The following HBS1L variants were observed in gnomAD, a reference collection of about 807,000 sequenced individuals.
HBS1L encodes the protein HBS1 like translational GTPase.
A neutral mutation model predicts 88.9 loss-of-function variants in HBS1L; 55 were observed. That is an observed-to-expected ratio of 0.62 (90% CI 0.50 to 0.77). The LOEUF (loss-of-function observed/expected upper bound fraction) is 0.77, where lower values mean the gene tolerates loss of function less well. HBS1L is among the 30% of genes least tolerant of loss of function. HBS1L has a pLI of 0.00. For missense variants in HBS1L, 741 were observed against 829.3 expected (o/e 0.89, Z 1.31); for synonymous variants, 267 against 288.5 (o/e 0.93, Z 0.76).
intron 15 of HBS1L, among the ~76,000 whole-genome samples, chr6:134,978,047 T>C (rs552892547): frequency 5.3e-5 from 8 of 152,150 alleles, no homozygotes; most frequent in Non-Finnish European, 5.9e-5. Flanking sequence ...ATGCAGGTTC[T>C]GAATGTGTTG....
At chr6:134,970,875 A>T (rs1774462939) in intron 15 of HBS1L, among the ~76,000 whole-genome samples, 1 of 152,208 alleles carries the variant, frequency 6.6e-6, no homozygotes, top group African/African-American at 2.4e-5. Flanking sequence ...AGTGTGTAAT[A>T]TGTCTATAGT....
chr6:134,976,796 G>A (rs2114762695), intron 15 of HBS1L, among the ~76,000 whole-genome samples: 1 of 152,026 alleles, frequency 6.6e-6, no homozygotes, highest in East Asian at 1.9e-4. Context: ...ACTACATCTT[G>A]GGTACAATAT....
intron 1 of HBS1L, among the ~76,000 whole-genome samples, chr6:135,051,017 G>C (rs1056298513): frequency 6.6e-6 from 1 of 152,164 alleles, no homozygotes; most frequent in African/African-American, 2.4e-5. Flanking sequence ...CATGAGGTCA[G>C]GAGTTTGAGA....
chr6:135,006,703 A>C (rs1292219473), intron 4 of HBS1L, among the ~76,000 whole-genome samples: 1 of 152,154 alleles, frequency 6.6e-6, no homozygotes, highest in African/African-American at 2.4e-5. Context: ...TTGCGTGAAA[A>C]AGCAGTTCCT....
At chr6:134,974,759 C>A (rs950578461) in intron 15 of HBS1L, among the ~76,000 whole-genome samples, 12 of 151,854 alleles carry the variant, frequency 7.9e-5, no homozygotes, top group African/African-American at 2.9e-4. Flanking sequence ...GGAAACATAC[C>A]TCAAAATAAT....
chr6:134,974,060 A>G (rs913274516), intron 15 of HBS1L, among the ~76,000 whole-genome samples: 19 of 152,108 alleles, frequency 1.2e-4, no homozygotes, highest in Admixed American at 1.3e-4. Context: ...TCAATTCAAA[A>G]GGAAAATGGA....
At chr6:135,049,783 G>A (rs545350282) in intron 2 of HBS1L, among the ~76,000 whole-genome samples, 1 of 152,270 alleles carries the variant, frequency 6.6e-6, no homozygotes, top group South Asian at 2.1e-4. Flanking sequence ...TGTTGGCCAG[G>A]CTGGTCTCGA....
chr6:134,985,801 T>C (rs1282622824), intron 11 of HBS1L, among the ~76,000 whole-genome samples: 1 of 152,168 alleles, frequency 6.6e-6, no homozygotes, highest in Non-Finnish European at 1.5e-5. Context: ...AAGTAATAGT[T>C]GCAGCTTATA....
intron 7 of HBS1L, among the ~76,000 whole-genome samples, chr6:134,994,666 T>C (rs531708559): frequency 6.6e-6 from 1 of 152,312 alleles, no homozygotes; most frequent in South Asian, 2.1e-4. Flanking sequence ...TCAGTCATTT[T>C]GTGTGACCTG....
At position 134,961,090 on chromosome 6, in the gene HBS1L, C is replaced by CTTTTTTTTTTTTTTTTTTTTTTTTTTT; in HGVS notation, c.*4188_*4189insAAAAAAAAAAAAAAAAAAAAAAAAAAA. The CTTTTTTTTTTTTTTTTTTTTTTTTTTT allele has an allele frequency of 9.4e-6, 1 of 106,222 alleles. No individual in the cohort carries two copies. Among genetic ancestry groups the CTTTTTTTTTTTTTTTTTTTTTTTTTTT allele is most frequent in the Non-Finnish European group, 1.8e-5 (1 of 54,260 alleles). The allele number at this position is 106,222 out of a possible 1,614,324, so 6.6% of individuals were successfully genotyped here. On this transcript the variant is annotated 3_prime_UTR_variant, in exon 18 of 18. Transcript: ENST00000367837. Reference sequence around the variant, plus strand: ...TTGCTGTACAGACTTAGTTTCTTTGCTTTTTTTTTTTTTTTTTTTGCATTG... The same window carrying CTTTTTTTTTTTTTTTTTTTTTTTTTTT: ...TTGCTGTACAGACTTAGTTTCTTTGCTTTTTTTTTTTTTTTTTTTTTTTTTTTTTTTTTTTTTTTTTTTTTTGCATTG...
intron 15 of HBS1L, among the ~76,000 whole-genome samples, chr6:134,970,445 T>G (rs1774450371): frequency 6.6e-6 from 1 of 152,182 alleles, no homozygotes; most frequent in Non-Finnish European, 1.5e-5. Flanking sequence ...GGGCAATTTC[T>G]TTAACAATCT....
At chr6:134,977,090 C>A (rs1369589667) in intron 15 of HBS1L, among the ~76,000 whole-genome samples, 1 of 151,658 alleles carries the variant, frequency 6.6e-6, no homozygotes, top group Non-Finnish European at 1.5e-5. Context: ...AATTTTTTTT[C>A]AAGTTTTTCT....
At chr6:134,995,918 TTA>T in intron 7 of HBS1L, among the ~76,000 whole-genome samples, 1 of 152,198 alleles carries the variant, frequency 6.6e-6, no homozygotes, top group Middle Eastern at 3.4e-3. Flanking sequence ...GAGCGTTACC[TTA>T]TATGTTTATA....
intron 4 of HBS1L, among the ~76,000 whole-genome samples, chr6:135,011,915 A>G (rs1342265236): frequency 3.3e-5 from 5 of 151,554 alleles, no homozygotes; most frequent in Admixed American, 2.0e-4. Flanking sequence ...TAAAAAAAAA[A>G]AAAAAAAAAA....
intron 4 of HBS1L, chr6:135,036,525 C>A: frequency 7.0e-7 from 1 of 1,422,668 alleles, no homozygotes; most frequent in Non-Finnish European, 9.2e-7. Flanking sequence ...AAATAAAAAG[C>A]TCTACAACAG....
chr6:134,965,845 G>A (rs1344836292), intron 17 of HBS1L, among the ~76,000 whole-genome samples: 2 of 152,104 alleles, frequency 1.3e-5, no homozygotes, highest in Admixed American at 6.5e-5. Flanking sequence ...CAACTTAAAA[G>A]AAAGATTTTT....
chr6:134,978,432 A>G (rs1562276555), intron 15 of HBS1L, among the ~76,000 whole-genome samples: 1 of 151,982 alleles, frequency 6.6e-6, no homozygotes, highest in Non-Finnish European at 1.5e-5. Context: ...TTTTATTATC[A>G]TTACTTTGTA....
chr6:135,039,943 T>G (rs1776678327), intron 3 of HBS1L, among the ~76,000 whole-genome samples, 176 bp from the exon 4 acceptor site: 1 of 152,256 alleles, frequency 6.6e-6, no homozygotes, highest in South Asian at 2.1e-4. Flanking sequence ...TATCTTCCCT[T>G]ATCCAAGGAA....
intron 2 of HBS1L, among the ~76,000 whole-genome samples, chr6:135,042,813 CA>C (rs1210606631): frequency 0.064 from 4,294 of 67,532 alleles, 197 homozygotes; most frequent in African/African-American, 0.2. Flanking sequence ...AACTCCGTCT[CA>C]AAAAAAAAAA....
Sources: gnomAD v4.1 joint callset for allele counts (sites outside exome capture counted in the v4.1 genomes callset) on GRCh38, gnomAD v4.1.1 for gene constraint, MANE v1.5 for transcripts, NCBI Gene and HGNC (gene_info 2026-07-23, HGNC 2026-07-21) for gene names.